The following TUSC3 variants were observed in gnomAD, a reference collection of about 807,000 sequenced individuals.
TUSC3 encodes the protein tumor suppressor candidate 3.
TUSC3 carries 45 observed loss-of-function variants against 44.8 expected under a neutral mutation model. The observed-to-expected ratio is 1.00, with a 90% CI of 0.79 to 1.29. The LOEUF (loss-of-function observed/expected upper bound fraction) is 1.29, where lower values mean the gene tolerates loss of function less well. Among genes scored for constraint, TUSC3 ranks in the 50% most tolerant of loss-of-function variants. The pLI is 0.00. For missense variants in TUSC3, 519 were observed against 437.9 expected (o/e 1.19, Z -1.65); for synonymous variants, 212 against 152.9 (o/e 1.39, Z -2.85).
intron 6 of TUSC3, among the ~76,000 whole-genome samples, chr8:15,722,004 C>G (rs1236223995): frequency 6.6e-6 from 1 of 151,936 alleles, no homozygotes; most frequent in African/African-American, 2.4e-5. Context: ...GAATGAGAAG[C>G]TCTCCTTTTA....
chr8:15,708,960 C>A (rs968276041), intron 6 of TUSC3, among the ~76,000 whole-genome samples: 1 of 151,760 alleles, frequency 6.6e-6, no homozygotes, highest in African/African-American at 2.4e-5. Context: ...AACTTTTGAT[C>A]TAAATTGACA....
the TUSC3 span, among the ~76,000 whole-genome samples, chr8:15,850,868 G>C: frequency 6.6e-6 from 1 of 152,288 alleles, no homozygotes; most frequent in East Asian, 1.9e-4. Context: ...GCTTCTATGA[G>C]TTGAAACCTC....
chr8:15,541,818 T>G (rs1585083939), intron 1 of TUSC3, among the ~76,000 whole-genome samples: 1 of 108,350 alleles, frequency 9.2e-6, no homozygotes, highest in African/African-American at 2.6e-5. Flanking sequence ...ACGAGAAAGG[T>G]AGAAGAGTGA....
At chr8:15,759,992 C>G (rs1165762442) in intron 10 of TUSC3, among the ~76,000 whole-genome samples, 1 of 152,076 alleles carries the variant, frequency 6.6e-6, no homozygotes, top group Non-Finnish European at 1.5e-5. Context: ...CAGTTGCTGT[C>G]TTGAGTACCT....
intron 5 of TUSC3, among the ~76,000 whole-genome samples, chr8:15,664,792 A>C (rs1486653291): frequency 6.7e-6 from 1 of 149,480 alleles, no homozygotes; most frequent in Non-Finnish European, 1.5e-5. Context: ...TTAAATATAT[A>C]ATATATAATT....
intron 2 of TUSC3, among the ~76,000 whole-genome samples, chr8:15,499,501 T>C (rs569627290): frequency 2.0e-5 from 3 of 152,340 alleles, no homozygotes; most frequent in African/African-American, 7.2e-5. Flanking sequence ...GCTTTGCCTA[T>C]ATTTGAAGTT....
At chr8:15,567,539 T>C (rs1210461082) in intron 1 of TUSC3, among the ~76,000 whole-genome samples, 4 of 152,178 alleles carry the variant, frequency 2.6e-5, no homozygotes, top group Non-Finnish European at 5.9e-5. Flanking sequence ...AGGTCTTCAA[T>C]TGTCAATGGC....
intron 1 of TUSC3, among the ~76,000 whole-genome samples, chr8:15,442,232 A>G (rs1000658862): frequency 2.3e-4 from 35 of 152,112 alleles, no homozygotes; most frequent in Non-Finnish European, 8.8e-5. Flanking sequence ...TACCTATACT[A>G]TTCATACCAA....
At chr8:15,525,460 A>C (rs2129130120) in intron 2 of TUSC3, among the ~76,000 whole-genome samples, 1 of 152,324 alleles carries the variant, frequency 6.6e-6, no homozygotes, top group African/African-American at 2.4e-5. Context: ...TCCTACTATT[A>C]TTTTTAAATA....
At chr8:15,691,549 G>A (rs2129190284) in intron 6 of TUSC3, among the ~76,000 whole-genome samples, 1 of 152,274 alleles carries the variant, frequency 6.6e-6, no homozygotes, top group East Asian at 1.9e-4. Context: ...GTACCATGTT[G>A]CATTGGAGTG....
intron 1 of TUSC3, among the ~76,000 whole-genome samples, chr8:15,467,892 A>G (rs1040738824): frequency 8.5e-5 from 13 of 152,162 alleles, no homozygotes; most frequent in African/African-American, 2.9e-4. Context: ...GAATTCAACA[A>G]TATAACTCTC....
At chr8:15,620,306 A>G (rs1237064481) in intron 1 of TUSC3, among the ~76,000 whole-genome samples, 1 of 152,202 alleles carries the variant, frequency 6.6e-6, no homozygotes, top group South Asian at 2.1e-4. Context: ...CAGTTTGTCA[A>G]GATTGATGCA....
chr8:15,791,586 T>C, the TUSC3 span, among the ~76,000 whole-genome samples: 5 of 152,170 alleles, frequency 3.3e-5, no homozygotes. Flanking sequence ...AGAACTTCTC[T>C]TTTATATTAG....
At chr8:15,801,805 C>T in the TUSC3 span, among the ~76,000 whole-genome samples, 1 of 152,108 alleles carries the variant, frequency 6.6e-6, no homozygotes, top group Admixed American at 6.5e-5. Flanking sequence ...TTTGGATGCT[C>T]TTGTAGCCGG....
At chr8:15,655,276 A>G (rs1358626212) in intron 3 of TUSC3, among the ~76,000 whole-genome samples, 2 of 152,214 alleles carry the variant, frequency 1.3e-5, no homozygotes, top group Non-Finnish European at 2.9e-5. Context: ...AGTAGGCTCA[A>G]GCATGCGCAC....
chr8:15,641,477 A>G (rs966774467), intron 2 of TUSC3, among the ~76,000 whole-genome samples: 1 of 152,194 alleles, frequency 6.6e-6, no homozygotes, highest in Admixed American at 6.5e-5. Flanking sequence ...GGTCTGGTGC[A>G]GAGAGTGAGA....
chr8:15,835,880 T>G, the TUSC3 span, among the ~76,000 whole-genome samples: 1 of 152,060 alleles, frequency 6.6e-6, no homozygotes, highest in Non-Finnish European at 1.5e-5. Flanking sequence ...CTGATATTGA[T>G]GTATTTTTGC....
chr8:15,723,383 T>C, intron 6 of TUSC3, among the ~76,000 whole-genome samples: 1 of 152,182 alleles, frequency 6.6e-6, no homozygotes, highest in Admixed American at 6.6e-5. Flanking sequence ...AGAACTGTTT[T>C]ATTTCTCTGT....
At chr8:15,838,577 C>G in the TUSC3 span, among the ~76,000 whole-genome samples, 18 of 152,238 alleles carry the variant, frequency 1.2e-4, no homozygotes, top group African/African-American at 4.1e-4. Flanking sequence ...AACTCAGGAG[C>G]TAGCCAGTTT....
Sources: allele counts gnomAD v4.1 joint callset (sites outside exome capture counted in the v4.1 genomes callset), GRCh38; gene constraint gnomAD v4.1.1; transcripts MANE v1.5; gene names NCBI Gene and HGNC (gene_info 2026-07-23, HGNC 2026-07-21).